The following CNTNAP4 variants were observed in gnomAD, a reference collection of about 807,000 sequenced individuals.
The protein encoded by CNTNAP4 is contactin associated protein family member 4, also known as contactin-associated protein-like 4.
Under a neutral mutation model 148.4 loss-of-function variants are expected in CNTNAP4, and 98 were observed. The observed-to-expected ratio is 0.66, with a 90% CI of 0.56 to 0.78. The LOEUF is 0.78. Among genes scored for constraint, CNTNAP4 ranks in the 30% least tolerant of loss-of-function variants. The pLI is 0.00. For missense variants in CNTNAP4, 1,935 were observed against 1,565.6 expected, an observed-to-expected ratio of 1.24 and a Z score of -3.98; for synonymous variants, 730 against 565.1, an observed-to-expected ratio of 1.29 and a Z score of -4.14.
intron 3 of CNTNAP4, among the ~76,000 whole-genome samples, chr16:76,398,106 A>G (rs1230531446): frequency 1.3e-5 from 2 of 149,746 alleles, no homozygotes; most frequent in Non-Finnish European, 3.0e-5. Flanking sequence ...CCTGGAGTCC[A>G]ATGTTTGAGA....
intron 15 of CNTNAP4, among the ~76,000 whole-genome samples, chr16:76,518,194 C>G (rs887162226): frequency 6.6e-6 from 1 of 152,042 alleles, no homozygotes; most frequent in Non-Finnish European, 1.5e-5. Context: ...GATGCATAAT[C>G]TGGGCTGACT....
chr16:76,505,069 G>A (rs1178730848), intron 15 of CNTNAP4, among the ~76,000 whole-genome samples: 1 of 152,110 alleles, frequency 6.6e-6, no homozygotes, highest in Non-Finnish European at 1.5e-5. Context: ...TTCTTATAAT[G>A]TTAAACCCAC....
intron 4 of CNTNAP4, among the ~76,000 whole-genome samples, chr16:76,443,628 G>A (rs981627958): frequency 3.3e-5 from 5 of 152,066 alleles, no homozygotes; most frequent in Non-Finnish European, 5.9e-5. Context: ...CAAAAGATAG[G>A]AGTAAGTATG....
At chr16:76,379,243 G>T (rs1049038157) in intron 3 of CNTNAP4, among the ~76,000 whole-genome samples, 6 of 152,132 alleles carry the variant, frequency 3.9e-5, no homozygotes, top group Non-Finnish European at 5.9e-5. Context: ...AATCATGGTT[G>T]TTGGCTGTGG....
At chr16:76,404,298 C>T (rs552891070) in intron 3 of CNTNAP4, among the ~76,000 whole-genome samples, 2 of 151,072 alleles carry the variant, frequency 1.3e-5, no homozygotes, top group Admixed American at 6.6e-5. Context: ...AAAGACATAA[C>T]AATAACAAAA....
At position 76,351,933 on chromosome 16, in the gene CNTNAP4, A is replaced by G. The variant is rs771174371; in HGVS notation, c.197-3385A>G. ...GTAGAGGCATGGAAATGCAAGAGAA[A>G]TACTGTGAAATTCTGGATTTTAGGA... On this transcript the variant is annotated intron_variant, in intron 2 of 23. Coordinates refer to ENST00000611870, the MANE Select transcript of CNTNAP4 (RefSeq NM_033401.5). Among the ~76,000 whole-genome samples, 12 of 152,352 alleles carry G rather than the reference A, an allele frequency of 7.9e-5. No homozygotes were observed. In the East Asian group the frequency reaches 2.3e-3, roughly 29 times the overall value.
chr16:76,459,884 A>G (rs1027457011), intron 8 of CNTNAP4, among the ~76,000 whole-genome samples: 14 of 152,190 alleles, frequency 9.2e-5, no homozygotes, highest in Non-Finnish European at 1.8e-4. Flanking sequence ...GGAAAAGTCT[A>G]TGCATTCTGA....
chr16:76,452,868 T>C, intron 8 of CNTNAP4, 99 bp downstream of exon 8: 1 of 1,080,304 alleles, frequency 9.3e-7, no homozygotes, highest in Non-Finnish European at 1.3e-6. Context: ...AATATTTGCT[T>C]AATAAATGAA....
intron 2 of CNTNAP4, among the ~76,000 whole-genome samples, chr16:76,323,098 C>T (rs1375392391): frequency 1.3e-5 from 2 of 152,154 alleles, no homozygotes; most frequent in African/African-American, 2.4e-5. Context: ...CTGCCTGCCT[C>T]GGCCTCCCTA....
At chr16:76,552,642 A>G (rs12929894) in intron 21 of CNTNAP4, among the ~76,000 whole-genome samples, 45,340 of 152,024 alleles carry the variant, frequency 0.3, 6,845 homozygotes, top group South Asian at 0.35. Context: ...TTGAAACAAG[A>G]AGAAAAGACA....
At chr16:76,483,311 G>A (rs535698555) in intron 12 of CNTNAP4, among the ~76,000 whole-genome samples, 8 of 148,468 alleles carry the variant, frequency 5.4e-5, no homozygotes, top group Admixed American at 1.4e-4. Flanking sequence ...GTTATGTTCC[G>A]TAAAGTAACC....
chr16:76,313,086 A>C (rs1961314927), intron 1 of CNTNAP4, among the ~76,000 whole-genome samples: 1 of 152,040 alleles, frequency 6.6e-6, no homozygotes, highest in Non-Finnish European at 1.5e-5. Context: ...TGTTTTCCAT[A>C]TTACATGTCT....
intron 3 of CNTNAP4, among the ~76,000 whole-genome samples, chr16:76,417,320 A>T (rs1434779611): frequency 2.0e-5 from 3 of 151,128 alleles, no homozygotes; most frequent in Non-Finnish European, 1.5e-5. Context: ...TTAATTGAAA[A>T]TTTTTTTATG....
intron 3 of CNTNAP4, among the ~76,000 whole-genome samples, chr16:76,420,694 AACAACG>A (rs2079159113): frequency 6.6e-6 from 1 of 151,934 alleles, no homozygotes; most frequent in African/African-American, 2.4e-5. Flanking sequence ...CAACAACAAC[AACAACG>A]AAACTACCCA....
chr16:76,357,175 C>A (rs4448976), intron 3 of CNTNAP4, among the ~76,000 whole-genome samples: 20,000 of 151,954 alleles, frequency 0.13, 2,011 homozygotes, highest in East Asian at 0.47. Flanking sequence ...GAACCAATAA[C>A]AATAAAAACT....
Position 76,539,653 on chromosome 16 carries a change from T to G in CNTNAP4, c.3221-66T>G, listed in dbSNP as rs1031620360. On this transcript the variant is annotated intron_variant, in intron 19 of 23. Coordinates refer to ENST00000611870, the MANE Select transcript of CNTNAP4 (RefSeq NM_033401.5). ...AAATAGCAACAAAAAATCACTCTGATTTTTAAGTAAGCCGCTCTCAAAGTA... is the reference window on the plus strand; with the variant it reads ...AAATAGCAACAAAAAATCACTCTGAGTTTTAAGTAAGCCGCTCTCAAAGTA... The G allele has an allele frequency of 6.6e-6, 9 of 1,364,032 alleles. No individual in the cohort carries two copies. In the South Asian group the frequency reaches 8.1e-5, roughly 12 times the overall value. The allele number at this position is 1,364,032 out of a possible 1,614,324, so 84.5% of individuals were successfully genotyped here.
intron 12 of CNTNAP4, among the ~76,000 whole-genome samples, chr16:76,486,640 A>G (rs555328787): frequency 4.6e-5 from 7 of 152,324 alleles, no homozygotes; most frequent in African/African-American, 1.7e-4. Flanking sequence ...CTCTGAAGAG[A>G]TTTAAAGGCT....
intron 2 of CNTNAP4, among the ~76,000 whole-genome samples, chr16:76,334,034 C>T (rs977202342): frequency 4.0e-5 from 6 of 151,342 alleles, no homozygotes; most frequent in South Asian, 2.1e-4. Context: ...TTTCATGCAG[C>T]CATAAAAAAT....
chr16:76,460,804 G>T (rs1199594366), intron 8 of CNTNAP4, among the ~76,000 whole-genome samples: 64 of 107,116 alleles, frequency 6.0e-4, no homozygotes, highest in African/African-American at 2.1e-3. Context: ...ATTTAGAATT[G>T]TATATAAATA....
Sources: gnomAD v4.1 joint callset for allele counts (sites outside exome capture counted in the v4.1 genomes callset) on GRCh38, gnomAD v4.1.1 for gene constraint, MANE v1.5 for transcripts, NCBI Gene and HGNC (gene_info 2026-07-23, HGNC 2026-07-21) for gene names.